The following VPS13B variants were observed in gnomAD, a reference collection of about 807,000 sequenced individuals.
VPS13B encodes the protein vacuolar protein sorting 13 homolog B, also known as intermembrane lipid transfer protein VPS13B.
A neutral mutation model predicts 426.4 loss-of-function variants in VPS13B; 285 were observed. The ratio of observed to expected loss-of-function variants is 0.67; its 90% CI spans 0.61 to 0.74. The LOEUF is 0.74. Ranked by LOEUF, VPS13B falls within the 30% of genes least tolerant of loss-of-function variation. The pLI is 0.00. For missense variants in VPS13B, 4,537 were observed against 4,782.6 expected (o/e 0.95, Z 1.51); for synonymous variants, 1,676 against 1,676.4 (o/e 1.00, Z 0.01).
intron 42 of VPS13B, among the ~76,000 whole-genome samples, chr8:99,779,673 A>G (rs1486967054): frequency 3.3e-5 from 5 of 152,226 alleles, no homozygotes; most frequent in South Asian, 2.1e-4. Flanking sequence ...GATAAGTGGC[A>G]TATTTAAAAT....
intron 3 of VPS13B, among the ~76,000 whole-genome samples, chr8:99,075,129 T>G (rs191440258): frequency 6.6e-6 from 1 of 152,258 alleles, no homozygotes; most frequent in Admixed American, 6.5e-5. Flanking sequence ...TAGGGAGAGT[T>G]TTTACTACTC....
intron 8 of VPS13B, among the ~76,000 whole-genome samples, chr8:99,130,005 A>C (rs1267979367): frequency 6.6e-6 from 1 of 152,226 alleles, no homozygotes; most frequent in African/African-American, 2.4e-5. Flanking sequence ...TGACAGAGGA[A>C]GACCCTGTGT....
At chr8:99,378,795 C>T (rs1316339967) in intron 19 of VPS13B, among the ~76,000 whole-genome samples, 1 of 152,142 alleles carries the variant, frequency 6.6e-6, no homozygotes, top group African/African-American at 2.4e-5. Context: ...TTATTTTCTG[C>T]ACTTCTTGCT....
intron 3 of VPS13B, among the ~76,000 whole-genome samples, chr8:99,055,985 C>T (rs1223192647): frequency 6.6e-6 from 1 of 150,900 alleles, no homozygotes. Flanking sequence ...AAGTGATCTT[C>T]CCACCTTGTC....
intron 29 of VPS13B, 142 bp downstream of exon 29, chr8:99,511,654 A>G (rs547101804): frequency 1.1e-5 from 9 of 806,312 alleles, no homozygotes; most frequent in South Asian, 9.5e-5. Context: ...GAGAGGAAAT[A>G]TAGATATTCT....
At chr8:99,602,119 T>C (rs892091425) in intron 33 of VPS13B, among the ~76,000 whole-genome samples, 7 of 152,214 alleles carry the variant, frequency 4.6e-5, no homozygotes, top group Non-Finnish European at 1.0e-4. Flanking sequence ...TTGTAGGGTT[T>C]TTATAGTTTT....
At chr8:99,243,305 G>A (rs1426209042) in intron 17 of VPS13B, among the ~76,000 whole-genome samples, 3 of 152,128 alleles carry the variant, frequency 2.0e-5, no homozygotes, top group African/African-American at 4.8e-5. Context: ...ACACACAGTT[G>A]TATGTTATTA....
At chr8:99,266,090 A>G (rs1283948022) in intron 17 of VPS13B, among the ~76,000 whole-genome samples, 3 of 152,164 alleles carry the variant, frequency 2.0e-5, no homozygotes, top group African/African-American at 7.2e-5. Context: ...ATCATTTAAT[A>G]TGTACATCAT....
chr8:99,016,382 TTA>T (rs1257407512), intron 2 of VPS13B, among the ~76,000 whole-genome samples: 1 of 152,142 alleles, frequency 6.6e-6, no homozygotes, highest in Non-Finnish European at 1.5e-5. Flanking sequence ...CTACTACTTG[TTA>T]TGTTTGTTAT....
At chr8:99,415,397 T>C (rs1005155783) in intron 21 of VPS13B, among the ~76,000 whole-genome samples, 1 of 152,064 alleles carries the variant, frequency 6.6e-6, no homozygotes, top group South Asian at 2.1e-4. Flanking sequence ...ATTACCCACC[T>C]TCCGAAGCCT....
At chr8:99,257,716 AG>A (rs1817830003) in intron 17 of VPS13B, among the ~76,000 whole-genome samples, 1 of 152,046 alleles carries the variant, frequency 6.6e-6, no homozygotes, top group African/African-American at 2.4e-5. Context: ...GTTTATAACA[AG>A]GTGTTTTAAA....
chr8:99,499,624 C>T (rs1821118900), intron 25 of VPS13B, among the ~76,000 whole-genome samples: 1 of 152,130 alleles, frequency 6.6e-6, no homozygotes, highest in Admixed American at 6.5e-5. Flanking sequence ...AGACAGCTAA[C>T]CAAAAACCTG....
intron 39 of VPS13B, among the ~76,000 whole-genome samples, chr8:99,748,763 C>T (rs1292214259): frequency 6.6e-6 from 1 of 152,070 alleles, no homozygotes; most frequent in East Asian, 1.9e-4. Context: ...ACTATATACT[C>T]AGGAGTATAT....
At position 99,540,586 on chromosome 8, in the gene VPS13B, G is replaced by A. The variant is rs559760404; in HGVS notation, c.4746-15864G>A. 2.6e-5 allele frequency among the ~76,000 whole-genome samples: 4 copies of A among 152,216 alleles called. No individual in the cohort carries two copies. The South Asian group carries it at 8.3e-4, about 32-fold the overall frequency. ...GTGTGAAGAATATCCTTTTTCACAA[G>A]ACTTTCATGTCTCAATTTTATTCAT... is the stretch of plus-strand genomic sequence containing the variant. On this transcript the variant is annotated intron_variant, in intron 30 of 61. Transcript: ENST00000357162.
At chr8:99,851,654 G>T (rs1175423411) in intron 55 of VPS13B, among the ~76,000 whole-genome samples, 1 of 152,112 alleles carries the variant, frequency 6.6e-6, no homozygotes, top group African/African-American at 2.4e-5. Context: ...TCAAAGGCCT[G>T]CAACAACATG....
At chr8:99,413,436 G>A (rs897222308) in intron 21 of VPS13B, among the ~76,000 whole-genome samples, 1 of 151,268 alleles carries the variant, frequency 6.6e-6, no homozygotes, top group South Asian at 2.1e-4. Flanking sequence ...GTGTCTATTT[G>A]TTTCTTCTCT....
chr8:99,531,186 C>G (rs756726354), intron 30 of VPS13B, among the ~76,000 whole-genome samples: 1 of 152,136 alleles, frequency 6.6e-6, no homozygotes, highest in Non-Finnish European at 1.5e-5. Flanking sequence ...TGTTTGAGCT[C>G]TTTGGTCCTT....
intron 19 of VPS13B, among the ~76,000 whole-genome samples, chr8:99,383,336 A>T (rs887498064): frequency 6.6e-6 from 1 of 152,166 alleles, no homozygotes; most frequent in Non-Finnish European, 1.5e-5. Flanking sequence ...TCAAATCATG[A>T]ATCAATTTTT....
At chr8:99,691,861 A>C (rs1831684605) in intron 35 of VPS13B, among the ~76,000 whole-genome samples, 1 of 143,632 alleles carries the variant, frequency 7.0e-6, no homozygotes, top group Non-Finnish European at 1.5e-5. Context: ...TACCAAGCAA[A>C]TGGAAAACAA....
Sources: gnomAD v4.1 joint callset for allele counts (sites outside exome capture counted in the v4.1 genomes callset) on GRCh38, gnomAD v4.1.1 for gene constraint, MANE v1.5 for transcripts, NCBI Gene and HGNC (gene_info 2026-07-23, HGNC 2026-07-21) for gene names.